The following GGA3 variants were observed in gnomAD, a reference collection of about 807,000 sequenced individuals.
The protein encoded by GGA3 is golgi associated, gamma adaptin ear containing, ARF binding protein 3, also known as ADP-ribosylation factor-binding protein GGA3.
A neutral mutation model predicts 77.5 loss-of-function variants in GGA3; 57 were observed. That is an observed-to-expected ratio of 0.74 (90% CI 0.59 to 0.92). The LOEUF is 0.92. Ranked by LOEUF, GGA3 falls within the 40% of genes least tolerant of loss-of-function variation. The pLI is 0.00. For synonymous variants in GGA3, 416 were observed against 383.7 expected (o/e 1.08, Z -0.98); for missense variants, 970 against 914.9 (o/e 1.06, Z -0.78).
rs1205322774 is a variant in GGA3 at position 75,237,452 on chromosome 17, T to C, written c.*827A>G. 7.8e-6 allele frequency: 12 copies of C among 1,530,790 alleles called. No individual in the cohort carries two copies. Among genetic ancestry groups the C allele is most frequent in the Non-Finnish European group, 1.1e-5 (12 of 1,142,058 alleles). 94.8% of individuals were successfully genotyped at this position (1,530,790 alleles called of 1,614,324 possible). On this transcript the variant is annotated 3_prime_UTR_variant, in exon 17 of 17. Transcript: ENST00000537686. ...AAGGGGAGGATAGCAGTTTATTTCA[T>C]GCCAAGCAAGAGGTAGTCAGTAGGA...
chr17:75,238,391 T>C lies in GGA3; in HGVS notation c.2062-2A>G. The stretch of plus-strand genomic sequence containing the variant: ...CTTATACCGAAGCCGCACCTTCTCC[T>C]GTGACAGAGGGCAGCAAGTGAGATC... On this transcript the variant is annotated splice_acceptor_variant, in intron 16 of 16. Transcript: ENST00000537686. LOFTEE classifies it high-confidence loss of function. The C allele has an allele frequency of 6.2e-7, 1 of 1,612,952 alleles. No individual in the cohort carries two copies. The highest frequency in any genetic ancestry group is 8.5e-7 in the Non-Finnish European group (1 of 1,179,488).
intron 1 of GGA3, among the ~76,000 whole-genome samples, chr17:75,255,685 A>C (rs1236396113): frequency 6.6e-6 from 1 of 152,256 alleles, no homozygotes; most frequent in Non-Finnish European, 1.5e-5. Context: ...CTAAAACCAG[A>C]CAAGCCTTAC....
rs1369802521 is a variant in GGA3 at position 75,242,201 on chromosome 17, G to C, written c.747+135C>G. On this transcript the variant is annotated intron_variant, in intron 8 of 16. Coordinates refer to ENST00000537686, the MANE Select transcript of GGA3 (RefSeq NM_138619.4). The stretch of plus-strand genomic sequence containing the variant: ...CCTCTACTGACGTGGCTGCTGTGCA[G>C]ATGAGTAAGGTCATGAATACACTGC... The C allele has an allele frequency of 6.5e-6, 6 of 916,574 alleles. No homozygotes were observed. In the African/African-American group the frequency reaches 8.1e-5, roughly 12 times the overall value. The allele number at this position is 916,574 out of a possible 1,614,324, so 56.8% of individuals were successfully genotyped here.
intron 1 of GGA3, among the ~76,000 whole-genome samples, chr17:75,257,194 G>A (rs541358313): frequency 6.6e-6 from 1 of 151,606 alleles, no homozygotes; most frequent in Non-Finnish European, 1.5e-5. Flanking sequence ...ATGCTACAAG[G>A]TACAGCCCAT....
intron 1 of GGA3, among the ~76,000 whole-genome samples, 160 bp downstream of exon 1, chr17:75,261,388 G>A (rs1322200359): frequency 6.6e-6 from 1 of 152,262 alleles, no homozygotes; most frequent in African/African-American, 2.4e-5. Flanking sequence ...CCGGCGCCCT[G>A]ATAGGGAAGG....
At position 75,258,703 on chromosome 17, in the gene GGA3, C is replaced by T. The variant is rs989371426; in HGVS notation, c.40+2845G>A. 4.6e-5 allele frequency among the ~76,000 whole-genome samples: 7 copies of T among 152,216 alleles called. No homozygotes were observed. In the East Asian group the frequency reaches 7.7e-4, roughly 17 times the overall value. The stretch of plus-strand genomic sequence containing the variant: ...AAATAAATAAAATAAACTTCTTGGG[C>T]TGGAAATTGGAGACTTGGTAGAATC... On this transcript the variant is annotated intron_variant, in intron 1 of 16. Transcript: ENST00000537686.
chr17:75,250,820 G>A (rs370884104), intron 1 of GGA3, among the ~76,000 whole-genome samples: 6 of 148,422 alleles, frequency 4.0e-5, no homozygotes, highest in African/African-American at 1.5e-4. Flanking sequence ...GCTCACGCCT[G>A]TAATCCCAGC....
At chr17:75,244,776 A>G (rs2076697955) in intron 3 of GGA3, 59 bp from the exon 4 acceptor site, 3 of 1,088,660 alleles carry the variant, frequency 2.8e-6, no homozygotes, top group Non-Finnish European at 2.8e-6. Flanking sequence ...GGAACCTGGC[A>G]CTGGCAAGAT....
At chr17:75,239,246 G>A (rs1414868618) in intron 14 of GGA3, 129 bp downstream of exon 14, 9 of 976,536 alleles carry the variant, frequency 9.2e-6, no homozygotes, top group Non-Finnish European at 1.4e-5. Flanking sequence ...TGAGAATGCA[G>A]GCAGGGAGGC....
chr17:75,257,562 T>C (rs542793682), intron 1 of GGA3, among the ~76,000 whole-genome samples: 13 of 152,336 alleles, frequency 8.5e-5, no homozygotes, highest in Admixed American at 3.9e-4. Context: ...AGACCTTTTA[T>C]ACCTGTTTTT....
chr17:75,242,501 A>T, intron 7 of GGA3, 28 bp from the exon 8 acceptor site: 1 of 1,613,818 alleles, frequency 6.2e-7, no homozygotes, highest in Non-Finnish European at 8.5e-7. Context: ...TTCAAGAGAA[A>T]GAGAGCGTCA....
intron 1 of GGA3, among the ~76,000 whole-genome samples, chr17:75,249,247 TG>T (rs1272905196): frequency 2.0e-5 from 3 of 152,178 alleles, no homozygotes; most frequent in Non-Finnish European, 2.9e-5. Flanking sequence ...GGTTTCGCCA[TG>T]GTGGCCAGGC....
At chr17:75,238,527 A>C (rs770598638) in intron 16 of GGA3, 125 bp downstream of exon 16, 1 of 956,584 alleles carries the variant, frequency 1.0e-6, no homozygotes, top group South Asian at 1.5e-5. Flanking sequence ...ACTTAACCTA[A>C]GGCAGCAAAG....
At position 75,238,995 on chromosome 17, in the gene GGA3, G is replaced by A. The variant is rs149701088; in HGVS notation, c.1869C>T (p.Asp623=). Residue 623 remains aspartate (D), a synonymous_variant, in exon 15 of 17, where the codon GAC becomes GAT. Transcript: ENST00000537686. ...FAKECPPGRP[D]VLVVVVSMLN... is the part of the protein sequence containing the mutation. ...GCATGGACACCACCACCACCAGCAC[G>A]TCAGGTCGTCCTGGGGGACACTCCT... 4.8e-4 allele frequency: 775 copies of A among 1,614,120 alleles called. 4 individuals are homozygous for A. In the African/African-American group the frequency reaches 8.9e-3, roughly 19 times the overall value.
At position 75,243,873 on chromosome 17, in the gene GGA3, G is replaced by A. The variant is rs373583740; in HGVS notation, c.301-303C>T. On this transcript the variant is annotated intron_variant, in intron 4 of 16. Transcript: ENST00000537686. ...CTGCACAGCAGCCACGTCAGTAGGG[G>A]TGGCGTCCCCATTTGCCGCCTGGGA... is the stretch of plus-strand genomic sequence containing the variant. Among the ~76,000 whole-genome samples the A allele has an allele frequency of 7.2e-5, 11 of 152,252 alleles. No homozygotes were observed. The East Asian group carries it at 1.4e-3, about 19-fold the overall frequency.
At chr17:75,245,699 A>AT (rs1220699613) in intron 3 of GGA3, among the ~76,000 whole-genome samples, 1 of 151,578 alleles carries the variant, frequency 6.6e-6, no homozygotes, top group Non-Finnish European at 1.5e-5. Context: ...TGATTTTTTT[A>AT]TTTTTTGTAG....
chr17:75,253,699 C>T (rs561047587), intron 1 of GGA3, among the ~76,000 whole-genome samples: 2 of 152,250 alleles, frequency 1.3e-5, no homozygotes, highest in Non-Finnish European at 2.9e-5. Flanking sequence ...GTGCCCCAAT[C>T]CCTTATTTCC....
At chr17:75,254,234 G>C (rs150740420) in intron 1 of GGA3, among the ~76,000 whole-genome samples, 1 of 151,584 alleles carries the variant, frequency 6.6e-6, no homozygotes, top group Non-Finnish European at 1.5e-5. Context: ...CAGGCTGCTC[G>C]TCGCCAGGCC....
At position 75,238,747 on chromosome 17, in the gene GGA3, A is replaced by G. The variant is rs3178020; in HGVS notation, c.1966T>C (p.Leu656=). Residue 656 remains leucine, a synonymous_variant, in exon 16 of 17, where the codon TTG becomes CTG. Coordinates refer to ENST00000537686, the MANE Select transcript of GGA3 (RefSeq NM_138619.4). ...AAVPKSMKVK[L]QPPSGTELSP... is the part of the protein sequence containing the mutation. The stretch of plus-strand genomic sequence containing the variant: ...AGTTCTGTCCCAGAAGGTGGCTGCA[A>G]CTTCACTTTCATTGACTAAAGAGAG... 8,555 of 1,613,364 alleles carry G rather than the reference A, an allele frequency of 5.3e-3. 326 individuals carry two copies. The African/African-American group carries it at 0.093, about 17-fold the overall frequency.
Sources: gnomAD v4.1 joint callset for allele counts (sites outside exome capture counted in the v4.1 genomes callset) on GRCh38, gnomAD v4.1.1 for gene constraint, MANE v1.5 for transcripts, NCBI Gene and HGNC (gene_info 2026-07-23, HGNC 2026-07-21) for gene names.